The following PRKD1 variants were observed in gnomAD, a reference collection of about 807,000 sequenced individuals.
PRKD1 encodes protein kinase D1.
A neutral mutation model predicts 95.9 loss-of-function variants in PRKD1; 63 were observed. That is an observed-to-expected ratio of 0.66 (90% CI 0.54 to 0.81). PRKD1 has a LOEUF of 0.81. PRKD1 is among the 30% of genes least tolerant of loss of function. PRKD1 has a pLI of 0.00. For synonymous variants in PRKD1, 425 were observed against 423.1 expected, an observed-to-expected ratio of 1.00 and a Z score of -0.05; for missense variants, 1,048 against 1,165.3, an observed-to-expected ratio of 0.90 and a Z score of 1.47.
rs181674622 is a variant in PRKD1 at position 29,686,584 on chromosome 14, C to T, written c.404-20376G>A. Among the ~76,000 whole-genome samples, 5 of 152,288 alleles carry T rather than the reference C, an allele frequency of 3.3e-5. No homozygotes were observed. In the East Asian group the frequency reaches 9.7e-4, roughly 29 times the overall value. On this transcript the variant is annotated intron_variant, in intron 2 of 17. Transcript: ENST00000331968. ...TGGGGCCTTGCTATTGTCTGATACA[C>T]GTTCTACTCTAAAGAACGCCAGTTC...
chr14:29,792,767 G>C (rs1449678470), intron 1 of PRKD1, among the ~76,000 whole-genome samples: 1 of 152,068 alleles, frequency 6.6e-6, no homozygotes. Context: ...CCTGGGCATA[G>C]CAATACTTGT....
chr14:29,636,937 A>G (rs565280681), intron 6 of PRKD1, among the ~76,000 whole-genome samples: 83 of 152,238 alleles, frequency 5.5e-4, no homozygotes, highest in African/African-American at 1.7e-3. Context: ...ATGATTTTCA[A>G]TTTCCTTTTT....
intron 2 of PRKD1, among the ~76,000 whole-genome samples, chr14:29,673,405 A>G (rs545662207): frequency 1.8e-4 from 28 of 152,306 alleles, no homozygotes; most frequent in African/African-American, 6.3e-4. Flanking sequence ...TTTTGCATAC[A>G]TACTTCTCAG....
chr14:29,769,538 C>A (rs1313545941), intron 1 of PRKD1, among the ~76,000 whole-genome samples: 1 of 151,828 alleles, frequency 6.6e-6, no homozygotes, highest in African/African-American at 2.4e-5. Flanking sequence ...CCAGCCTAGG[C>A]AGAAAGCAAG....
chr14:29,823,792 A>G (rs1891011400), intron 1 of PRKD1, among the ~76,000 whole-genome samples: 1 of 152,188 alleles, frequency 6.6e-6, no homozygotes, highest in African/African-American at 2.4e-5. Context: ...ATTCCAAAAT[A>G]TTACATTCAC....
intron 1 of PRKD1, among the ~76,000 whole-genome samples, chr14:29,814,524 G>C (rs1041198954): frequency 6.6e-6 from 1 of 152,084 alleles, no homozygotes; most frequent in African/African-American, 2.4e-5. Flanking sequence ...CTTTTTCCCT[G>C]CCCTGTCTGG....
At chr14:29,614,132 C>A (rs1002244469) in intron 13 of PRKD1, among the ~76,000 whole-genome samples, 1 of 152,098 alleles carries the variant, frequency 6.6e-6, no homozygotes, top group Non-Finnish European at 1.5e-5. Flanking sequence ...GTCATACATT[C>A]CAAATATTAC....
Position 29,599,125 on chromosome 14 carries a change from T to A in PRKD1, c.2068A>T (p.Ile690Leu), listed in dbSNP as rs1893418776. 6.2e-7 allele frequency: 1 copy of A among 1,611,960 alleles called. No individual in the cohort carries two copies. ...EHITKFLITQ[I>L]LVALRHLHFK... ...TGAAGGTGCCGCAAAGCCACGAGTA[T>A]CTGTAAAGAAGAATCACCAAAATTT... The change falls in exon 15 of 18, where the codon ATA (isoleucine) becomes TTA (leucine). Residue 690 changes from isoleucine to leucine, a missense_variant and splice_region_variant. By Grantham distance (5) the Ile-to-Leu change is conservative. Transcript: ENST00000331968.
chr14:29,858,874 T>C (rs1261930307), intron 1 of PRKD1, among the ~76,000 whole-genome samples: 2 of 152,164 alleles, frequency 1.3e-5, no homozygotes, highest in African/African-American at 4.8e-5. Context: ...GGGGGCACTA[T>C]AACCTATTGC....
intron 16 of PRKD1, among the ~76,000 whole-genome samples, chr14:29,582,314 C>T (rs1218905289): frequency 1.3e-5 from 2 of 152,080 alleles, no homozygotes; most frequent in African/African-American, 2.4e-5. Context: ...TTCTTTCCCC[C>T]TTTTAGAAAT....
At chr14:29,648,955 G>C (rs1881319854) in intron 4 of PRKD1, among the ~76,000 whole-genome samples, 1 of 152,166 alleles carries the variant, frequency 6.6e-6, no homozygotes, top group Admixed American at 6.5e-5. Context: ...TGCCCGGCCT[G>C]GCTGGGGCTT....
At chr14:29,923,325 T>C (rs569014108) in intron 1 of PRKD1, among the ~76,000 whole-genome samples, 5 of 151,378 alleles carry the variant, frequency 3.3e-5, no homozygotes, top group South Asian at 2.1e-4. Context: ...AATTATAAAA[T>C]TGGAATAAAA....
At position 29,927,392 on chromosome 14, in the gene PRKD1, G is replaced by A; in HGVS notation, c.121C>T (p.Pro41Ser). ...SGPGPAPFLA[P>S]VAAPVGGISF... The stretch of plus-strand genomic sequence containing the variant: ...ATGCCCCCGACCGGGGCCGCGACAG[G>A]AGCCAAGAACGGCGCGGGCCCGGGC... The change falls in exon 1 of 18, where the codon CCT becomes TCT. Residue 41 changes from proline to serine, a missense_variant. This residue lies in a region of PRKD1 where 275 missense variants were observed against 248.6 expected (regional missense o/e 1.11). Transcript: ENST00000331968. 1 of 1,549,294 alleles carries A rather than the reference G, an allele frequency of 6.5e-7. No individual in the cohort carries two copies. The highest frequency in any genetic ancestry group is 1.2e-5 in the South Asian group (1 of 84,398).
chr14:29,809,134 G>A (rs1431161090), intron 1 of PRKD1, among the ~76,000 whole-genome samples: 15 of 152,306 alleles, frequency 9.8e-5, no homozygotes, highest in Admixed American at 5.9e-4. Context: ...ATTTTGAAAG[G>A]AATCTTTTTT....
At chr14:29,807,641 C>T (rs919646494) in intron 1 of PRKD1, among the ~76,000 whole-genome samples, 2 of 151,888 alleles carry the variant, frequency 1.3e-5, no homozygotes, top group Admixed American at 6.6e-5. Context: ...TCAAGTGATC[C>T]ACCACCTCAG....
At chr14:29,624,348 G>A (rs1390876413) in intron 12 of PRKD1, 90 bp from the exon 13 acceptor site, 9 of 795,070 alleles carry the variant, frequency 1.1e-5, no homozygotes, top group Non-Finnish European at 1.8e-5. Context: ...TTAAAGAAAT[G>A]ATAAACATAT....
At chr14:29,640,085 T>C (rs1454556477) in intron 4 of PRKD1, among the ~76,000 whole-genome samples, 1 of 152,150 alleles carries the variant, frequency 6.6e-6, no homozygotes, top group Non-Finnish European at 1.5e-5. Flanking sequence ...AGTTATTAAG[T>C]TCCTACTCTA....
At chr14:29,849,498 C>A (rs1249276821) in intron 1 of PRKD1, among the ~76,000 whole-genome samples, 1 of 151,728 alleles carries the variant, frequency 6.6e-6, no homozygotes, top group African/African-American at 2.4e-5. Context: ...AAGATTGAAT[C>A]AGGAAGAAAC....
At chr14:29,806,811 T>TC (rs1176821802) in intron 1 of PRKD1, among the ~76,000 whole-genome samples, 2 of 152,050 alleles carry the variant, frequency 1.3e-5, no homozygotes, top group African/African-American at 4.8e-5. Context: ...ACAAGAGAGG[T>TC]CCTTTGGTCT....
Sources: allele counts gnomAD v4.1 joint callset (sites outside exome capture counted in the v4.1 genomes callset), GRCh38; gene constraint gnomAD v4.1.1; regional missense constraint gnomAD v4.1.1; transcripts MANE v1.5; gene names NCBI Gene and HGNC (gene_info 2026-07-23, HGNC 2026-07-21).